Variants in PRKG1 observed in about 807,000 individuals in gnomAD.
PRKG1 encodes protein kinase cGMP-dependent 1.
Under a neutral mutation model 88.1 loss-of-function variants are expected in PRKG1, and 35 were observed. The ratio of observed to expected loss-of-function variants is 0.40; its 90% CI spans 0.30 to 0.53. The LOEUF is 0.53. Among genes scored for constraint, PRKG1 ranks in the 20% least tolerant of loss-of-function variants. The pLI is 0.59. For synonymous variants in PRKG1, 303 were observed against 292.5 expected, an observed-to-expected ratio of 1.04 and a Z score of -0.37; for missense variants, 540 against 839.8, an observed-to-expected ratio of 0.64 and a Z score of 4.41.
At chr10:51,096,831 T>C (rs1228965339) in intron 1 of PRKG1, among the ~76,000 whole-genome samples, 1 of 152,168 alleles carries the variant, frequency 6.6e-6, no homozygotes, top group African/African-American at 2.4e-5. Flanking sequence ...AAAGACTGCT[T>C]CCCAAGGGCA....
intron 5 of PRKG1, among the ~76,000 whole-genome samples, chr10:51,931,039 G>C (rs7082609): frequency 0.61 from 92,268 of 151,984 alleles, 29,560 homozygotes; most frequent in African/African-American, 0.83. Flanking sequence ...TTGAGGTTGT[G>C]TTTCTCTACT....
chr10:51,923,627 C>T (rs1285581656), intron 5 of PRKG1, among the ~76,000 whole-genome samples: 1 of 151,502 alleles, frequency 6.6e-6, no homozygotes, highest in Non-Finnish European at 1.5e-5. Context: ...ATTAACACTA[C>T]ATCACTTCAC....
At chr10:51,414,448 A>G (rs775602498) in intron 2 of PRKG1, among the ~76,000 whole-genome samples, 29 of 152,200 alleles carry the variant, frequency 1.9e-4, no homozygotes, top group Admixed American at 6.5e-4. Context: ...CTTTTTTGTC[A>G]TCTGAGACAT....
intron 3 of PRKG1, among the ~76,000 whole-genome samples, chr10:51,588,758 G>A (rs541359448): frequency 1.7e-4 from 26 of 152,230 alleles, no homozygotes; most frequent in Admixed American, 1.2e-3. Flanking sequence ...AGGATAATCC[G>A]AAAGGTTTCT....
intron 2 of PRKG1, among the ~76,000 whole-genome samples, chr10:51,321,963 G>T (rs1332283683): frequency 6.6e-6 from 1 of 152,094 alleles, no homozygotes; most frequent in African/African-American, 2.4e-5. Context: ...AGGAAATCTT[G>T]CATCACATTA....
intron 2 of PRKG1, among the ~76,000 whole-genome samples, chr10:51,315,282 T>G (rs1277082689): frequency 6.6e-6 from 1 of 152,228 alleles, no homozygotes; most frequent in African/African-American, 2.4e-5. Flanking sequence ...GCCTTGACTT[T>G]AGAAGTGTAA....
chr10:51,786,884 G>A (rs1239503338), intron 3 of PRKG1, among the ~76,000 whole-genome samples: 1 of 152,102 alleles, frequency 6.6e-6, no homozygotes, highest in East Asian at 1.9e-4. Context: ...CAGTCAGACT[G>A]CTTTAAGATT....
At chr10:51,835,004 A>T (rs751555735) in intron 4 of PRKG1, among the ~76,000 whole-genome samples, 5 of 152,260 alleles carry the variant, frequency 3.3e-5, no homozygotes, top group Middle Eastern at 3.4e-3. Flanking sequence ...ATGTAGACTA[A>T]AAAAAGATGA....
At chr10:51,184,661 G>T (rs979681932) in intron 2 of PRKG1, among the ~76,000 whole-genome samples, 2 of 152,000 alleles carry the variant, frequency 1.3e-5, no homozygotes, top group Admixed American at 6.5e-5. Context: ...CCAAAAATAT[G>T]ATTTTATCAG....
chr10:51,598,069 T>G (rs1297067321), intron 3 of PRKG1, among the ~76,000 whole-genome samples: 1 of 152,184 alleles, frequency 6.6e-6, no homozygotes, highest in Admixed American at 6.5e-5. Flanking sequence ...GCATAGGCCT[T>G]ACTTTAGAGG....
chr10:51,696,149 G>T (rs1336509665), intron 3 of PRKG1: 2 of 152,042 alleles, frequency 1.3e-5, no homozygotes, highest in Non-Finnish European at 2.9e-5. Context: ...GAGTATTCAG[G>T]CTATATAAAA....
At chr10:51,433,136 G>A (rs1353100404) in intron 2 of PRKG1, among the ~76,000 whole-genome samples, 1 of 152,140 alleles carries the variant, frequency 6.6e-6, no homozygotes, top group African/African-American at 2.4e-5. Flanking sequence ...TATTAAAATG[G>A]TTGGGGAGGG....
chr10:51,260,981 C>T (rs1361891367), intron 2 of PRKG1, among the ~76,000 whole-genome samples: 2 of 152,076 alleles, frequency 1.3e-5, no homozygotes, highest in Non-Finnish European at 1.5e-5. Flanking sequence ...CAAAATATGT[C>T]GTAACTTAAA....
At chr10:51,257,239 G>C (rs958655880) in intron 2 of PRKG1, among the ~76,000 whole-genome samples, 4 of 151,120 alleles carry the variant, frequency 2.6e-5, no homozygotes, top group African/African-American at 7.3e-5. Flanking sequence ...TCAGTGGGAT[G>C]CTTAGAGATG....
intron 1 of PRKG1, among the ~76,000 whole-genome samples, chr10:51,148,738 G>A (rs1435666972): frequency 1.3e-5 from 2 of 152,000 alleles, no homozygotes; most frequent in Non-Finnish European, 2.9e-5. Context: ...GTTCCCAAGA[G>A]TTTCAATTAT....
intron 3 of PRKG1, among the ~76,000 whole-genome samples, chr10:51,497,754 C>A (rs759984941): frequency 2.2e-4 from 33 of 152,210 alleles, no homozygotes; most frequent in Non-Finnish European, 2.9e-4. Flanking sequence ...GTGTTTGGGA[C>A]AAAATCTAAC....
chr10:51,395,541 G>A (rs1837554438), intron 2 of PRKG1, among the ~76,000 whole-genome samples: 1 of 152,102 alleles, frequency 6.6e-6, no homozygotes, highest in African/African-American at 2.4e-5. Context: ...ACTCTGGATT[G>A]GCTCATTTTG....
chr10:51,584,643 T>C (rs1838126337), intron 3 of PRKG1, among the ~76,000 whole-genome samples: 1 of 152,026 alleles, frequency 6.6e-6, no homozygotes, highest in African/African-American at 2.4e-5. Context: ...ACAAAACAAA[T>C]TGTTTCTGAG....
chr10:51,753,355 C>T (rs1837775201), intron 3 of PRKG1, among the ~76,000 whole-genome samples: 1 of 151,910 alleles, frequency 6.6e-6, no homozygotes, highest in Non-Finnish European at 1.5e-5. Context: ...TGTTTAATTG[C>T]TTTTTTTGAA....
Sources: gnomAD v4.1 joint callset for allele counts (sites outside exome capture counted in the v4.1 genomes callset) on GRCh38, gnomAD v4.1.1 for gene constraint, MANE v1.5 for transcripts, NCBI Gene and HGNC (gene_info 2026-07-23, HGNC 2026-07-21) for gene names.